Variants in ASIC2 observed in about 807,000 individuals in gnomAD.
ASIC2 encodes the protein acid sensing ion channel subunit 2.
In ASIC2, 25 loss-of-function variants were observed where a neutral mutation model predicts 57.3. The ratio of observed to expected loss-of-function variants is 0.44; its 90% CI spans 0.32 to 0.61. ASIC2 has a LOEUF of 0.61. Among genes scored for constraint, ASIC2 ranks in the 20% least tolerant of loss-of-function variants. The pLI, the probability that ASIC2 is intolerant of heterozygous loss-of-function variation, is 0.06. For synonymous variants in ASIC2, 319 were observed against 307.5 expected (o/e 1.04, Z -0.39); for missense variants, 641 against 738.1 (o/e 0.87, Z 1.52).
chr17:34,015,432 A>G (rs1271821462), intron 1 of ASIC2, among the ~76,000 whole-genome samples: 1 of 152,182 alleles, frequency 6.6e-6, no homozygotes, highest in African/African-American at 2.4e-5. Context: ...CAGGCCAAAG[A>G]ATGTTGAGTG....
chr17:33,112,096 A>AGAG, intron 1 of ASIC2, 29 bp from the exon 2 acceptor site: 1 of 1,586,376 alleles, frequency 6.3e-7, no homozygotes, highest in South Asian at 1.2e-5. Context: ...AGAGAGAGAG[A>AGAG]AGCACATGGG....
At chr17:33,516,063 A>G (rs1914555635) in intron 1 of ASIC2, among the ~76,000 whole-genome samples, 1 of 151,996 alleles carries the variant, frequency 6.6e-6, no homozygotes, top group African/African-American at 2.4e-5. Context: ...CAAGATCCTG[A>G]CACTGCACTC....
At chr17:33,749,284 G>T (rs1391668097) in intron 1 of ASIC2, among the ~76,000 whole-genome samples, 1 of 151,644 alleles carries the variant, frequency 6.6e-6, no homozygotes, top group African/African-American at 2.4e-5. Context: ...TCCTTCTCCA[G>T]CTGCTCCCCC....
intron 1 of ASIC2, among the ~76,000 whole-genome samples, chr17:33,135,237 C>T (rs1280225285): frequency 6.6e-6 from 1 of 152,172 alleles, no homozygotes; most frequent in Non-Finnish European, 1.5e-5. Flanking sequence ...GCCCCGCTGT[C>T]TCATCCCTCC....
At chr17:33,022,890 A>G (rs2091842824) in intron 6 of ASIC2, among the ~76,000 whole-genome samples, 1 of 152,142 alleles carries the variant, frequency 6.6e-6, no homozygotes, top group Non-Finnish European at 1.5e-5. Flanking sequence ...ACAGGAGAGC[A>G]CCTCATCTAG....
chr17:33,309,741 C>T (rs551798917), intron 1 of ASIC2, among the ~76,000 whole-genome samples: 75 of 152,014 alleles, frequency 4.9e-4, no homozygotes, highest in Middle Eastern at 6.8e-3. Context: ...TTGTGGTACA[C>T]ATCATTTCAC....
chr17:33,598,217 AG>A (rs1316539968), intron 1 of ASIC2, among the ~76,000 whole-genome samples: 1 of 152,176 alleles, frequency 6.6e-6, no homozygotes. Context: ...CACATTGATT[AG>A]GGGGTTCATC....
At chr17:33,212,877 A>G (rs1224481144) in intron 1 of ASIC2, among the ~76,000 whole-genome samples, 2 of 152,238 alleles carry the variant, frequency 1.3e-5, no homozygotes, top group African/African-American at 4.8e-5. Flanking sequence ...GATAGAGGCC[A>G]GCACAGGCTC....
chr17:34,103,952 T>C (rs1027249847), intron 1 of ASIC2, among the ~76,000 whole-genome samples: 1 of 152,174 alleles, frequency 6.6e-6, no homozygotes, highest in Admixed American at 6.5e-5. Context: ...TGCATTTCCA[T>C]ATAAATTCTA....
Position 33,292,074 on chromosome 17 carries a change from G to GAGCGCGGCTGCGGGC in ASIC2, c.27_41dup (p.Pro10_Leu14dup), listed in dbSNP as rs1483852341. On this transcript the variant is annotated inframe_insertion, in exon 1 of 10. Transcript: ENST00000225823. ...CCATGCGGAAGCGTCCCGGGCCGGT[G>GAGCGCGGCTGCGGGC]AGCGCGGCTGCGGGCAGCCCGGCTC... 9.3e-7 allele frequency: 1 copy of GAGCGCGGCTGCGGGC among 1,074,864 alleles called. No individual in the cohort carries two copies. Among genetic ancestry groups the GAGCGCGGCTGCGGGC allele is most frequent in the Non-Finnish European group, 1.1e-6 (1 of 890,442 alleles). The allele number at this position is 1,074,864 out of a possible 1,614,324, so 66.6% of individuals were successfully genotyped here.
intron 1 of ASIC2, among the ~76,000 whole-genome samples, chr17:33,360,148 T>C (rs1273023751): frequency 1.3e-5 from 2 of 152,190 alleles, no homozygotes; most frequent in African/African-American, 2.4e-5. Flanking sequence ...TTTATTTTAA[T>C]ATATACTAGA....
At chr17:33,117,833 G>A (rs563082009) in intron 1 of ASIC2, among the ~76,000 whole-genome samples, 19 of 152,334 alleles carry the variant, frequency 1.2e-4, no homozygotes, top group East Asian at 3.9e-4. Flanking sequence ...AGAGAGATGA[G>A]TTATTTAAGT....
chr17:33,131,117 G>A (rs966449752), intron 1 of ASIC2, among the ~76,000 whole-genome samples: 3 of 152,164 alleles, frequency 2.0e-5, no homozygotes, highest in Admixed American at 6.5e-5. Context: ...TATTTACAAA[G>A]GGGAGACGAG....
At chr17:33,048,263 C>G (rs575482748) in intron 3 of ASIC2, among the ~76,000 whole-genome samples, 250 of 152,308 alleles carry the variant, frequency 1.6e-3, no homozygotes, top group Non-Finnish European at 2.3e-3. Context: ...TTTTAAGGCA[C>G]TCAACCTGTG....
intron 1 of ASIC2, among the ~76,000 whole-genome samples, chr17:34,034,538 A>C (rs1907774943): frequency 6.6e-6 from 1 of 152,228 alleles, no homozygotes; most frequent in Non-Finnish European, 1.5e-5. Flanking sequence ...AAGGAAATAA[A>C]GGGTATTCAA....
At chr17:33,026,858 C>G (rs1174305671) in intron 4 of ASIC2, among the ~76,000 whole-genome samples, 1 of 152,108 alleles carries the variant, frequency 6.6e-6, no homozygotes, top group Non-Finnish European at 1.5e-5. Flanking sequence ...TTTTTCGGAG[C>G]CGAAGAGTCA....
intron 1 of ASIC2, among the ~76,000 whole-genome samples, chr17:34,134,927 G>A (rs1304891811): frequency 3.3e-5 from 5 of 152,092 alleles, no homozygotes; most frequent in Admixed American, 3.3e-4. Flanking sequence ...CCCTCACTCT[G>A]CCAAAAATAT....
chr17:33,221,285 CA>C (rs1166292919), intron 1 of ASIC2, among the ~76,000 whole-genome samples: 1 of 152,114 alleles, frequency 6.6e-6, no homozygotes, highest in East Asian at 1.9e-4. Flanking sequence ...TGTGAATGTT[CA>C]AATACCCTTC....
intron 2 of ASIC2, among the ~76,000 whole-genome samples, chr17:33,091,396 C>T (rs918620213): frequency 3.3e-5 from 5 of 152,040 alleles, no homozygotes; most frequent in African/African-American, 9.7e-5. Context: ...TTCAGTGAGC[C>T]GTGGGAGGGA....
Sources: gnomAD v4.1 joint callset for allele counts (sites outside exome capture counted in the v4.1 genomes callset) on GRCh38, gnomAD v4.1.1 for gene constraint, MANE v1.5 for transcripts, NCBI Gene and HGNC (gene_info 2026-07-23, HGNC 2026-07-21) for gene names.